ZNF722: variants seen among roughly 807,000 people sequenced by gnomAD.
ZNF722 encodes zinc finger protein 479 pseudogene.
the ZNF722 span, among the ~76,000 whole-genome samples, chr7:64,006,661 C>A: frequency 3.3e-5 from 5 of 152,080 alleles, no homozygotes. Flanking sequence ...CTACGTTAAA[C>A]TATTTATAAA....
the ZNF722 span, among the ~76,000 whole-genome samples, chr7:64,013,630 G>C: frequency 6.6e-6 from 1 of 151,786 alleles, no homozygotes; most frequent in Non-Finnish European, 1.5e-5. Flanking sequence ...TTATTTTTAT[G>C]CTTATATCTT....
the ZNF722 span, among the ~76,000 whole-genome samples, chr7:64,000,132 T>TTTTTTG: frequency 1.2e-4 from 17 of 139,816 alleles, no homozygotes; most frequent in Middle Eastern, 3.6e-3. Flanking sequence ...TTTTTTTTTT[T>TTTTTTG]TGTGTGTGTG....
chr7:63,999,885 G>A, the ZNF722 span, among the ~76,000 whole-genome samples: 17 of 151,686 alleles, frequency 1.1e-4, no homozygotes, highest in African/African-American at 3.9e-4. Context: ...TAGTAGAGAC[G>A]GGGTTTCACC....
the ZNF722 span, among the ~76,000 whole-genome samples, chr7:64,004,503 C>A: frequency 7.1e-6 from 1 of 141,536 alleles, no homozygotes; most frequent in African/African-American, 2.7e-5. Flanking sequence ...GTGAGAAATA[C>A]CACAGCAGTG....
chr7:64,004,689 T>A, the ZNF722 span, among the ~76,000 whole-genome samples: 1 of 151,996 alleles, frequency 6.6e-6, no homozygotes, highest in South Asian at 2.1e-4. Context: ...GCATAAACCA[T>A]CACATTTAAT....
chr7:64,006,023 A>G, the ZNF722 span, among the ~76,000 whole-genome samples: 3 of 152,178 alleles, frequency 2.0e-5, no homozygotes, highest in African/African-American at 4.8e-5. Context: ...GCCACCACCA[A>G]TGTTTGATTC....
At chr7:64,004,425 AATATATATATATATAT>A in the ZNF722 span, among the ~76,000 whole-genome samples, 1 of 61,120 alleles carries the variant, frequency 1.6e-5, no homozygotes, top group Non-Finnish European at 2.7e-5. Flanking sequence ...AAAAAAAAAA[AATATATATATATATAT>A]ATATATATAT....
At chr7:63,999,888 G>C in the ZNF722 span, among the ~76,000 whole-genome samples, 2 of 151,894 alleles carry the variant, frequency 1.3e-5, no homozygotes, top group Non-Finnish European at 2.9e-5. Flanking sequence ...TAGAGACGGG[G>C]TTTCACCATG....
At chr7:64,015,971 T>A in the ZNF722 span, 2 of 1,122,952 alleles carry the variant, frequency 1.8e-6, no homozygotes, top group Non-Finnish European at 2.5e-6. Flanking sequence ...TAATTTATGC[T>A]GGAAAAAAAC....
At chr7:64,006,101 T>C in the ZNF722 span, 3 of 570,970 alleles carry the variant, frequency 5.3e-6, no homozygotes, top group Non-Finnish European at 8.4e-6. Flanking sequence ...TAGAAAGGTC[T>C]GTTATGAATC....
the ZNF722 span, among the ~76,000 whole-genome samples, chr7:64,011,654 C>A: frequency 2.0e-5 from 3 of 151,922 alleles, no homozygotes; most frequent in Admixed American, 6.6e-5. Flanking sequence ...GTGGGTAACC[C>A]GGCCTTTCTC....
the ZNF722 span, among the ~76,000 whole-genome samples, chr7:64,009,028 T>C: frequency 6.6e-6 from 1 of 152,226 alleles, no homozygotes; most frequent in Non-Finnish European, 1.5e-5. Flanking sequence ...AGTTCACTCA[T>C]GATTTGGCTC....
the ZNF722 span, among the ~76,000 whole-genome samples, chr7:64,013,159 G>A: frequency 6.6e-6 from 1 of 151,988 alleles, no homozygotes. Context: ...ACAGTATAAT[G>A]TTATTCAGGC....
At chr7:63,999,366 G>A in the ZNF722 span, among the ~76,000 whole-genome samples, 7 of 152,176 alleles carry the variant, frequency 4.6e-5, no homozygotes, top group South Asian at 1.0e-3. Context: ...TGGTCCCTGG[G>A]GTCCCTAGTT....
chr7:64,003,954 G>C, the ZNF722 span, among the ~76,000 whole-genome samples: 1 of 152,068 alleles, frequency 6.6e-6, no homozygotes, highest in East Asian at 1.9e-4. Flanking sequence ...TATACAGAAT[G>C]GCGTGTATTG....
the ZNF722 span, among the ~76,000 whole-genome samples, chr7:64,017,275 T>G: frequency 6.6e-6 from 1 of 152,074 alleles, no homozygotes; most frequent in Non-Finnish European, 1.5e-5. Flanking sequence ...TCCCAGCTAC[T>G]TGGGAGGCTG....
the ZNF722 span, among the ~76,000 whole-genome samples, chr7:64,012,623 A>G: frequency 6.6e-6 from 1 of 152,098 alleles, no homozygotes; most frequent in Non-Finnish European, 1.5e-5. Context: ...GATCTTTTGA[A>G]ATTTACTAAG....
At chr7:64,001,366 T>C in the ZNF722 span, among the ~76,000 whole-genome samples, 4 of 152,214 alleles carry the variant, frequency 2.6e-5, no homozygotes, top group Non-Finnish European at 5.9e-5. Context: ...GTTCCTGCAC[T>C]AGTTTTCTAA....
the ZNF722 span, among the ~76,000 whole-genome samples, chr7:64,014,862 C>T: frequency 4.6e-5 from 7 of 152,168 alleles, no homozygotes; most frequent in Non-Finnish European, 8.8e-5. Context: ...GTATTTTGAT[C>T]ACTATGATTT....
Sources: allele counts gnomAD v4.1 joint callset (sites outside exome capture counted in the v4.1 genomes callset), GRCh38; gene constraint gnomAD v4.1.1; transcripts MANE v1.5; gene names NCBI Gene and HGNC (gene_info 2026-07-23, HGNC 2026-07-21).